CSMD1: variants seen among roughly 807,000 people sequenced by gnomAD.
CSMD1 encodes the protein CUB and sushi domain-containing protein 1.
In CSMD1, 213 loss-of-function variants were observed where a neutral mutation model predicts 417.5. That is an observed-to-expected ratio of 0.51 (90% CI 0.46 to 0.57). The LOEUF (loss-of-function observed/expected upper bound fraction) is 0.57, where lower values mean the gene tolerates loss of function less well. Ranked by LOEUF, CSMD1 falls within the 20% of genes least tolerant of loss-of-function variation. The pLI, the probability that CSMD1 is intolerant of heterozygous loss-of-function variation, is 0.00. For missense variants in CSMD1, 6,923 were observed against 4,529.7 expected (o/e 1.53, Z -15.17); for synonymous variants, 2,862 against 1,736.8 (o/e 1.65, Z -16.11).
chr8:3,476,877 C>T (rs1817458474), intron 11 of CSMD1, among the ~76,000 whole-genome samples: 1 of 140,446 alleles, frequency 7.1e-6, no homozygotes, highest in Admixed American at 7.4e-5. Context: ...AAGACCGTGT[C>T]ACTGCACCCT....
chr8:3,662,038 T>C (rs1427710521), intron 7 of CSMD1, among the ~76,000 whole-genome samples: 2 of 151,992 alleles, frequency 1.3e-5, no homozygotes, highest in African/African-American at 2.4e-5. Flanking sequence ...CTCGAAGTCG[T>C]AGAAAACATG....
chr8:3,598,804 C>G (rs7835835), intron 8 of CSMD1, among the ~76,000 whole-genome samples: 4,568 of 152,170 alleles, frequency 0.03, 213 homozygotes, highest in African/African-American at 0.1. Context: ...GAAATTGGGC[C>G]AGGTGCAGTG....
chr8:3,551,008 C>T (rs1261051806), intron 10 of CSMD1, among the ~76,000 whole-genome samples: 1 of 152,168 alleles, frequency 6.6e-6, no homozygotes. Flanking sequence ...AACTCTCCAG[C>T]AATGCATTAG....
At chr8:4,089,333 C>A (rs10105480) in intron 3 of CSMD1, among the ~76,000 whole-genome samples, 1 of 152,184 alleles carries the variant, frequency 6.6e-6, no homozygotes, top group East Asian at 1.9e-4. Flanking sequence ...GAAGAGAGCT[C>A]GGTATGGGGG....
intron 5 of CSMD1, among the ~76,000 whole-genome samples, chr8:3,986,818 C>T (rs558570751): frequency 9.9e-4 from 150 of 152,088 alleles, no homozygotes; most frequent in African/African-American, 2.1e-3. Flanking sequence ...TGCAGTGATG[C>T]GATCTCGGCT....
Position 4,850,286 on chromosome 8 carries a change from C to A in CSMD1, c.85+144046G>T, listed in dbSNP as rs117565640. Reference sequence around the variant, plus strand: ...CAAATCCTTTATCAGATACACAATCCCCAAACATTTTCTCCCATTCTACGG... The same window carrying A: ...CAAATCCTTTATCAGATACACAATCACCAAACATTTTCTCCCATTCTACGG... On this transcript the variant is annotated intron_variant, in intron 1 of 69. Coordinates refer to ENST00000635120, the MANE Select transcript of CSMD1 (RefSeq NM_033225.6). Among the ~76,000 whole-genome samples the A allele has an allele frequency of 8.1e-4, 123 of 152,014 alleles. No homozygotes were observed. The East Asian group carries it at 0.022, about 27-fold the overall frequency.
chr8:3,985,526 G>A (rs186684756), intron 5 of CSMD1, among the ~76,000 whole-genome samples: 2 of 152,080 alleles, frequency 1.3e-5, no homozygotes, highest in South Asian at 4.2e-4. Context: ...CAGATACAAC[G>A]AACACATCAT....
chr8:4,013,129 C>A (rs1280880548), intron 4 of CSMD1, among the ~76,000 whole-genome samples: 1 of 152,074 alleles, frequency 6.6e-6, no homozygotes, highest in Non-Finnish European at 1.5e-5. Context: ...TTCTCGTATC[C>A]CCCCATTGTG....
intron 10 of CSMD1, among the ~76,000 whole-genome samples, chr8:3,527,805 C>G (rs959691331): frequency 1.3e-5 from 2 of 152,160 alleles, no homozygotes; most frequent in Non-Finnish European, 2.9e-5. Context: ...AATAAAGTTA[C>G]AAAACATCCT....
At chr8:4,513,326 C>T (rs1802930765) in intron 2 of CSMD1, among the ~76,000 whole-genome samples, 1 of 152,094 alleles carries the variant, frequency 6.6e-6, no homozygotes, top group Non-Finnish European at 1.5e-5. Context: ...AAAACTAAAT[C>T]TAGTAAAACA....
chr8:3,875,426 G>T (rs1321626993), intron 5 of CSMD1, among the ~76,000 whole-genome samples: 1 of 152,166 alleles, frequency 6.6e-6, no homozygotes, highest in Non-Finnish European at 1.5e-5. Flanking sequence ...AGGAGTTCCT[G>T]CAGGAGGGAG....
chr8:4,865,452 A>G (rs1267649271), intron 1 of CSMD1, among the ~76,000 whole-genome samples: 2 of 151,772 alleles, frequency 1.3e-5, no homozygotes, highest in Non-Finnish European at 2.9e-5. Flanking sequence ...CCTATAACTG[A>G]TGACTTTGAG....
intron 10 of CSMD1, among the ~76,000 whole-genome samples, chr8:3,540,547 T>G (rs10087677): frequency 6.6e-6 from 1 of 151,996 alleles, no homozygotes; most frequent in Non-Finnish European, 1.5e-5. Flanking sequence ...CTAATTAAAG[T>G]AAAGAGCTTC....
chr8:4,031,814 TTTTCA>T, intron 4 of CSMD1, 86 bp downstream of exon 4: 1 of 998,440 alleles, frequency 1.0e-6, no homozygotes, highest in Non-Finnish European at 1.4e-6. Context: ...ACATGTATTA[TTTTCA>T]TTTAAGTGGA....
At chr8:2,972,181 A>G (rs1804518363) in intron 57 of CSMD1, among the ~76,000 whole-genome samples, 1 of 152,136 alleles carries the variant, frequency 6.6e-6, no homozygotes, top group Non-Finnish European at 1.5e-5. Context: ...CTATTTACCT[A>G]TATAGAATGT....
chr8:3,503,687 A>G (rs1796701404), intron 10 of CSMD1, among the ~76,000 whole-genome samples: 2 of 152,214 alleles, frequency 1.3e-5, no homozygotes, highest in South Asian at 2.1e-4. Flanking sequence ...AGACAGCTAA[A>G]GAAGCTGGAT....
chr8:3,994,505 T>G (rs962811127), intron 5 of CSMD1, among the ~76,000 whole-genome samples: 3 of 148,626 alleles, frequency 2.0e-5, no homozygotes, highest in Admixed American at 1.3e-4. Context: ...AAATCCTTCC[T>G]AATTGCAAGA....
intron 1 of CSMD1, among the ~76,000 whole-genome samples, chr8:4,881,388 T>C (rs1289050233): frequency 6.6e-6 from 1 of 151,932 alleles, no homozygotes; most frequent in Non-Finnish European, 1.5e-5. Context: ...ATGGATATAG[T>C]TGAACAAATA....
chr8:3,770,446 T>C (rs967801573), intron 5 of CSMD1, among the ~76,000 whole-genome samples: 9 of 152,118 alleles, frequency 5.9e-5, no homozygotes, highest in Admixed American at 2.6e-4. Context: ...GAAGATTCTC[T>C]TGAACCCAAG....
Sources: gnomAD v4.1 joint callset for allele counts (sites outside exome capture counted in the v4.1 genomes callset) on GRCh38, gnomAD v4.1.1 for gene constraint, MANE v1.5 for transcripts, NCBI Gene and HGNC (gene_info 2026-07-23, HGNC 2026-07-21) for gene names.